Variants in ALAS2 observed in about 807,000 individuals in gnomAD.
The protein encoded by ALAS2 is 5'-aminolevulinate synthase 2.
In ALAS2, 3 loss-of-function variants were observed where a neutral mutation model predicts 33.7. The ratio of observed to expected loss-of-function variants is 0.09; its 90% CI spans 0.04 to 0.23. ALAS2 has a LOEUF of 0.23. Ranked by LOEUF, ALAS2 falls within the 10% of genes least tolerant of loss-of-function variation. The probability of loss-of-function intolerance (pLI) is 1.00; values close to 1 mark genes in which losing one functional copy is unlikely to be tolerated. For synonymous variants in ALAS2, 191 were observed against 177.3 expected, an observed-to-expected ratio of 1.08 and a Z score of -0.61; for missense variants, 304 against 475.1, an observed-to-expected ratio of 0.64 and a Z score of 3.35.
chrX:55,023,191 G>GGTGTGTGTGTGTGT (rs747543670), intron 4 of ALAS2, among the ~76,000 whole-genome samples: 5 of 98,710 alleles, frequency 5.1e-5, no homozygotes, highest in African/African-American at 1.8e-4. Flanking sequence ...GAGAGCAGAG[G>GGTGTGTGTGTGTGT]GTGTGTGTGT....
chrX:55,018,773 G>GTC (rs1290173551), intron 6 of ALAS2, among the ~76,000 whole-genome samples: 1 of 111,069 alleles, frequency 9.0e-6, no homozygotes, highest in East Asian at 2.8e-4. Flanking sequence ...TTTGACCAGG[G>GTC]CTGAGGGTGG....
chrX:55,024,646 A>G, intron 3 of ALAS2, 72 bp downstream of exon 3: 1 of 1,184,997 alleles, frequency 8.4e-7, no homozygotes, highest in East Asian at 3.0e-5. Flanking sequence ...GTATTAGCCT[A>G]GCTCAGGACT....
chrX:55,016,595 C>A (rs1935708116), intron 7 of ALAS2, among the ~76,000 whole-genome samples: 1 of 111,322 alleles, frequency 9.0e-6, no homozygotes, highest in African/African-American at 3.3e-5. Flanking sequence ...ACTATGGACT[C>A]TTTTGTTTCA....
intron 2 of ALAS2, among the ~76,000 whole-genome samples, chrX:55,025,454 C>T (rs184670069): frequency 2.4e-3 from 267 of 111,287 alleles, no homozygotes; most frequent in African/African-American, 8.5e-3. Context: ...CTGCCTCAGC[C>T]TCCCAAGCAG....
chrX:55,012,361 C>T (rs1347227852), intron 10 of ALAS2, among the ~76,000 whole-genome samples: 1 of 112,215 alleles, frequency 8.9e-6, no homozygotes, highest in Admixed American at 9.4e-5. Flanking sequence ...CCCTCTAGCT[C>T]CCAGAATACT....
Position 55,027,740 on chromosome X carries a change from C to A in ALAS2, c.-15-1725G>T. 3 of 1,209,684 alleles carry A rather than the reference C, an allele frequency of 2.5e-6. No homozygotes were observed. In the South Asian group the frequency reaches 5.3e-5, roughly 21 times the overall value. On this transcript the variant is annotated intron_variant, in intron 1 of 10. Coordinates refer to ENST00000650242, the MANE Select transcript of ALAS2 (RefSeq NM_000032.5). Reference sequence around the variant, plus strand: ...CTTCCTGATCTCATAGAACAAGCACCCTCCCCGTACCTCACAAAACAACCT... The same window carrying A: ...CTTCCTGATCTCATAGAACAAGCACACTCCCCGTACCTCACAAAACAACCT...
chrX:55,014,636 G>A, intron 9 of ALAS2, 111 bp downstream of exon 9: 1 of 956,771 alleles, frequency 1.0e-6, no homozygotes, highest in Non-Finnish European at 1.4e-6. Context: ...AAAGGGAATG[G>A]TTAGCAGGAA....
At chrX:55,016,487 A>G (rs141656412) in intron 7 of ALAS2, among the ~76,000 whole-genome samples, 120 of 112,068 alleles carry the variant, frequency 1.1e-3, no homozygotes, top group African/African-American at 3.7e-3. Context: ...TGCCCAAGCT[A>G]GTAAATGGTC....
chrX:55,030,634 A>T (rs1395475054), intron 1 of ALAS2, among the ~76,000 whole-genome samples: 2 of 111,827 alleles, frequency 1.8e-5, no homozygotes, highest in East Asian at 5.6e-4. Flanking sequence ...AAATTTAGAG[A>T]AAAAGATAGT....
At chrX:55,018,783 G>A (rs1050402965) in intron 6 of ALAS2, among the ~76,000 whole-genome samples, 4 of 110,889 alleles carry the variant, frequency 3.6e-5, no homozygotes, top group South Asian at 3.8e-4. Context: ...GCTGAGGGTG[G>A]GGTGACAAAG....
At chrX:55,014,140 C>G (rs1171089728) in intron 9 of ALAS2, among the ~76,000 whole-genome samples, 4 of 111,957 alleles carry the variant, frequency 3.6e-5, no homozygotes, top group Non-Finnish European at 7.5e-5. Flanking sequence ...CTGACTCACA[C>G]AAATACGTGT....
At chrX:55,011,008 A>G (rs1306666301) in intron 10 of ALAS2, among the ~76,000 whole-genome samples, 8 of 111,562 alleles carry the variant, frequency 7.2e-5, no homozygotes, top group Non-Finnish European at 1.9e-5. Flanking sequence ...GGGCATTCCA[A>G]TCAAAAGAGA....
At chrX:55,013,180 C>T (rs937994183) in intron 10 of ALAS2, among the ~76,000 whole-genome samples, 1 of 111,682 alleles carries the variant, frequency 9.0e-6, no homozygotes. Flanking sequence ...GTGGGTCTTG[C>T]ATCCCTCAGG....
rs1275213692 is a variant in ALAS2, at chrX:55,021,060, T to C, written c.630A>G (p.Gln210=). 8.3e-7 allele frequency: 1 copy of C among 1,210,606 alleles called. No homozygotes were observed. The highest frequency in any genetic ancestry group is 1.1e-6 in the Non-Finnish European group (1 of 894,923). ...GAAAGCCTACTACTCACTGTGTGGC[T>C]TGCAAGACCTGAGGGTGTCGGCTCA... The part of the protein sequence containing the change: ...LGMSRHPQVL[Q]ATQETLQRHG... Residue 210 remains glutamine (Q), a synonymous_variant, in exon 5 of 11, where the codon CAA becomes CAG. Coordinates refer to ENST00000650242, the MANE Select transcript of ALAS2 (RefSeq NM_000032.5).
chrX:55,023,111 G>C (rs1449896284), intron 4 of ALAS2, among the ~76,000 whole-genome samples: 1 of 110,457 alleles, frequency 9.1e-6, no homozygotes, highest in Non-Finnish European at 1.9e-5. Flanking sequence ...ATTTTTAAGT[G>C]AACAAAACAG....
intron 2 of ALAS2, among the ~76,000 whole-genome samples, chrX:55,025,607 C>T (rs1288721862): frequency 2.7e-5 from 3 of 112,118 alleles, no homozygotes; most frequent in Admixed American, 9.4e-5. Context: ...GCTGGGATTA[C>T]AGGCGTGAGC....
rs931139027 is a variant in ALAS2 at position 55,015,953 on chromosome X, G to GTC, written c.1004-213_1004-212dup. On this transcript the variant is annotated intron_variant, in intron 7 of 10. Coordinates refer to ENST00000650242, the MANE Select transcript of ALAS2 (RefSeq NM_000032.5). ...CCCTGCCTTCTCTCTCTCTCTCTCT[G>GTC]TCTCTCTGTGTGTGTGTGTGTGTGT... is the stretch of plus-strand genomic sequence containing the variant. 3.2e-3 allele frequency among the ~76,000 whole-genome samples: 269 copies of GTC among 83,953 alleles called. 1 individual carries two copies. The highest frequency in any genetic ancestry group is 5.1e-3 in the South Asian group (8 of 1,555). 72.9% of individuals were successfully genotyped at this position (83,953 alleles called of 115,157 possible).
At chrX:55,012,476 C>A (rs1317061273) in intron 10 of ALAS2, among the ~76,000 whole-genome samples, 1 of 112,286 alleles carries the variant, frequency 8.9e-6, no homozygotes, top group Middle Eastern at 4.2e-3. Context: ...AGCACCTATT[C>A]AATGTCAGGC....
intron 3 of ALAS2, among the ~76,000 whole-genome samples, 187 bp from the exon 4 acceptor site, chrX:55,024,054 AT>A (rs1935851150): frequency 8.9e-6 from 1 of 111,861 alleles, no homozygotes; most frequent in Non-Finnish European, 1.9e-5. Flanking sequence ...AGACTATTAC[AT>A]TGTTAGGAAA....
Sources: allele counts gnomAD v4.1 joint callset (sites outside exome capture counted in the v4.1 genomes callset), GRCh38; gene constraint gnomAD v4.1.1; transcripts MANE v1.5; gene names NCBI Gene and HGNC (gene_info 2026-07-23, HGNC 2026-07-21).